Variants in CDC5L observed in about 807,000 individuals in gnomAD.
CDC5L encodes cell division cycle 5-like protein.
In CDC5L, 18 loss-of-function variants were observed where a neutral mutation model predicts 104.1. The observed-to-expected ratio is 0.17, with a 90% CI of 0.12 to 0.26. The LOEUF is 0.26. Ranked by LOEUF, CDC5L falls within the 10% of genes least tolerant of loss-of-function variation. CDC5L has a pLI of 1.00. For missense variants in CDC5L, 673 were observed against 956.9 expected, an observed-to-expected ratio of 0.70 and a Z score of 3.91; for synonymous variants, 331 against 322.7, an observed-to-expected ratio of 1.03 and a Z score of -0.28.
intron 9 of CDC5L, among the ~76,000 whole-genome samples, chr6:44,420,757 A>G (rs1378773022): frequency 6.6e-6 from 1 of 152,222 alleles, no homozygotes; most frequent in Non-Finnish European, 1.5e-5. Context: ...TCAACCAGTA[A>G]GTATAATGCA....
In CDC5L at chr6:44,449,317, G is replaced by C. The variant is rs1793565194; in HGVS notation, c.*2606G>C. On this transcript the variant is annotated 3_prime_UTR_variant, in exon 16 of 16. Coordinates refer to ENST00000371477, the MANE Select transcript of CDC5L (RefSeq NM_001253.4). Reference sequence around the variant, plus strand: ...TTTGTCAGTATCCTGTAAAGCCCAGGATTCTTTACCAGCACCATACAGCGA... The same window carrying C: ...TTTGTCAGTATCCTGTAAAGCCCAGCATTCTTTACCAGCACCATACAGCGA... 1.3e-5 allele frequency: 2 copies of C among 152,126 alleles called. No homozygotes were observed. The highest frequency in any genetic ancestry group is 2.4e-5 in the African/African-American group (1 of 41,432). 9.4% of individuals were successfully genotyped at this position (152,126 alleles called of 1,614,324 possible).
chr6:44,399,698 G>C (rs1791031500), intron 5 of CDC5L, among the ~76,000 whole-genome samples: 1 of 152,178 alleles, frequency 6.6e-6, no homozygotes, highest in Non-Finnish European at 1.5e-5. Context: ...TCTGTTGCCA[G>C]GCTGGAGTGC....
chr6:44,405,514 G>A (rs1001105440), intron 6 of CDC5L, among the ~76,000 whole-genome samples: 6 of 152,188 alleles, frequency 3.9e-5, no homozygotes, highest in African/African-American at 1.4e-4. Context: ...ATGTTTAGAT[G>A]TCACTTGTCA....
Position 44,402,320 on chromosome 6 carries a change from T to C in CDC5L, c.540-1489T>C, listed in dbSNP as rs1581645606. 2.0e-5 allele frequency among the ~76,000 whole-genome samples: 3 copies of C among 152,152 alleles called. No homozygotes were observed. The South Asian group carries it at 6.2e-4, about 32-fold the overall frequency. ...TCCACATCCTCTCCAGCACCTGTTG[T>C]TTCCTGACTTTTTAATGATTTAAAT... On this transcript the variant is annotated intron_variant, in intron 5 of 15. Transcript: ENST00000371477.
chr6:44,399,754 C>T (rs916163700), intron 5 of CDC5L, among the ~76,000 whole-genome samples: 2 of 151,938 alleles, frequency 1.3e-5, no homozygotes, highest in Admixed American at 6.6e-5. Flanking sequence ...CCCGGGTTCA[C>T]GCCATTTTCC....
At chr6:44,416,794 ATT>A (rs1365755496) in intron 8 of CDC5L, among the ~76,000 whole-genome samples, 1 of 152,164 alleles carries the variant, frequency 6.6e-6, no homozygotes, top group Non-Finnish European at 1.5e-5. Context: ...CACATATGAT[ATT>A]TCACGTCACC....
At chr6:44,404,411 AG>A (rs1424749480) in intron 6 of CDC5L, among the ~76,000 whole-genome samples, 1 of 152,144 alleles carries the variant, frequency 6.6e-6, no homozygotes, top group African/African-American at 2.4e-5. Flanking sequence ...TTGGGATTAT[AG>A]GCATCAGTTA....
chr6:44,421,525 A>G (rs1278812965), intron 9 of CDC5L, among the ~76,000 whole-genome samples: 1 of 152,188 alleles, frequency 6.6e-6, no homozygotes, highest in African/African-American at 2.4e-5. Flanking sequence ...TAAACATTTA[A>G]CACTTCTTGA....
intron 10 of CDC5L, 90 bp from the exon 11 acceptor site, chr6:44,424,329 C>A: frequency 9.1e-7 from 1 of 1,104,310 alleles, no homozygotes; most frequent in Non-Finnish European, 1.3e-6. Context: ...TAGAGTCACC[C>A]TGTTGTGCTA....
intron 14 of CDC5L, among the ~76,000 whole-genome samples, chr6:44,442,441 G>A (rs1281014872): frequency 6.7e-6 from 1 of 149,180 alleles, no homozygotes. Context: ...GTATGCTTTG[G>A]ATTTTATCTT....
intron 14 of CDC5L, among the ~76,000 whole-genome samples, chr6:44,441,231 A>G (rs1189659200): frequency 6.6e-6 from 1 of 152,230 alleles, no homozygotes; most frequent in East Asian, 1.9e-4. Context: ...ATACAAGTTA[A>G]CATCATATGA....
intron 10 of CDC5L, among the ~76,000 whole-genome samples, chr6:44,424,143 G>C (rs1792313498): frequency 6.6e-6 from 1 of 151,926 alleles, no homozygotes; most frequent in Non-Finnish European, 1.5e-5. Flanking sequence ...TTTAATTTTT[G>C]TGGATACATA....
intron 13 of CDC5L, 94 bp from the exon 14 acceptor site, chr6:44,429,619 C>A: frequency 9.5e-7 from 1 of 1,054,884 alleles, no homozygotes; most frequent in Non-Finnish European, 1.4e-6. Context: ...GGATTTGACT[C>A]AAGGCATGAG....
At chr6:44,444,958 T>C (rs1488338767) in intron 14 of CDC5L, among the ~76,000 whole-genome samples, 1 of 152,166 alleles carries the variant, frequency 6.6e-6, no homozygotes, top group African/African-American at 2.4e-5. Context: ...ACTTTTGCAC[T>C]GTCCCATTAA....
At chr6:44,411,653 T>TGTGTGTGTGTGTGTGTGTGA (rs1176515142) in intron 8 of CDC5L, among the ~76,000 whole-genome samples, 1 of 136,120 alleles carries the variant, frequency 7.3e-6, no homozygotes, top group East Asian at 4.9e-4. Flanking sequence ...TGTGTGTGTG[T>TGTGTGTGTGTGTGTGTGTGA]GACTAAAAAT....
At position 44,429,618 on chromosome 6, in the gene CDC5L, T is replaced by G; in HGVS notation, c.1894-95T>G. 4 of 1,044,130 alleles carry G rather than the reference T, an allele frequency of 3.8e-6. No homozygotes were observed. The South Asian group carries it at 6.6e-5, about 17-fold the overall frequency. 64.7% of individuals were successfully genotyped at this position (1,044,130 alleles called of 1,614,324 possible). ...CAACCAACCACATCTTGGATTTGAC[T>G]CAAGGCATGAGGGAAAAAATTAGTC... On this transcript the variant is annotated intron_variant, in intron 13 of 15. Coordinates refer to ENST00000371477, the MANE Select transcript of CDC5L (RefSeq NM_001253.4).
At position 44,415,731 on chromosome 6, in the gene CDC5L, C is replaced by T. The variant is rs144744734; in HGVS notation, c.1093-3718C>T. 5.9e-5 allele frequency among the ~76,000 whole-genome samples: 9 copies of T among 152,268 alleles called. No homozygotes were observed. The East Asian group carries it at 1.5e-3, about 26-fold the overall frequency. On this transcript the variant is annotated intron_variant, in intron 8 of 15. Transcript: ENST00000371477. ...TGGCCAGAACTTAGGCACACATGTC[C>T]TAGCTACTGGGGCATGTGATATTTG...
At chr6:44,412,068 C>T (rs192262289) in intron 8 of CDC5L, among the ~76,000 whole-genome samples, 11 of 152,316 alleles carry the variant, frequency 7.2e-5, no homozygotes, top group Admixed American at 2.0e-4. Context: ...GCAATAATGG[C>T]TATAGGTATT....
chr6:44,404,435 T>C (rs1017130582), intron 6 of CDC5L, among the ~76,000 whole-genome samples: 2 of 152,156 alleles, frequency 1.3e-5, no homozygotes, highest in African/African-American at 4.8e-5. Flanking sequence ...GTGCCTGGCC[T>C]AGATTTTTAT....
Sources: allele counts gnomAD v4.1 joint callset (sites outside exome capture counted in the v4.1 genomes callset), GRCh38; gene constraint gnomAD v4.1.1; transcripts MANE v1.5; gene names NCBI Gene and HGNC (gene_info 2026-07-23, HGNC 2026-07-21).